AGBL1: variants seen among roughly 807,000 people sequenced by gnomAD.
AGBL1 encodes cytosolic carboxypeptidase 4.
AGBL1 carries 130 observed loss-of-function variants against 118.9 expected under a neutral mutation model. The ratio of observed to expected loss-of-function variants is 1.09; its 90% CI spans 0.95 to 1.26. The LOEUF (loss-of-function observed/expected upper bound fraction) is 1.26. Among genes scored for constraint, AGBL1 ranks in the 50% most tolerant of loss-of-function variants. The probability of loss-of-function intolerance (pLI) is 0.00; values close to 1 mark genes in which losing one functional copy is unlikely to be tolerated. For missense variants in AGBL1, 1,584 were observed against 1,298.1 expected, an observed-to-expected ratio of 1.22 and a Z score of -3.38; for synonymous variants, 555 against 478.9, an observed-to-expected ratio of 1.16 and a Z score of -2.08.
downstream of AGBL1, among the ~76,000 whole-genome samples, chr15:86,920,087 G>A (rs971038323): frequency 1.4e-4 from 21 of 152,196 alleles, no homozygotes; most frequent in African/African-American, 4.3e-4. Flanking sequence ...ACCTCCGTGG[G>A]TTCTCTGTTC....
At chr15:86,721,376 T>G (rs531044799) in intron 22 of AGBL1, among the ~76,000 whole-genome samples, 1 of 152,122 alleles carries the variant, frequency 6.6e-6, no homozygotes, top group Non-Finnish European at 1.5e-5. Flanking sequence ...ATCCAGCATA[T>G]AAACAGAACC....
chr15:86,836,573 A>C (rs978777081), intron 22 of AGBL1, among the ~76,000 whole-genome samples: 1 of 152,152 alleles, frequency 6.6e-6, no homozygotes, highest in South Asian at 2.1e-4. Context: ...GAGTCTAGTT[A>C]TATTATCTTC....
intron 17 of AGBL1, among the ~76,000 whole-genome samples, chr15:86,382,420 C>G (rs1318396507): frequency 6.6e-6 from 1 of 152,166 alleles, no homozygotes; most frequent in Non-Finnish European, 1.5e-5. Flanking sequence ...GACCTGCTCC[C>G]CACACACTCT....
chr15:86,554,352 T>C lies in AGBL1; in HGVS notation c.2818-9T>C, dbSNP rs772988314. 6.4e-7 allele frequency: 1 copy of C among 1,556,342 alleles called. No homozygotes were observed. Among genetic ancestry groups the C allele is most frequent in the South Asian group, 1.2e-5 (1 of 82,426 alleles). On this transcript the variant is annotated splice_polypyrimidine_tract_variant and intron_variant, in intron 20 of 22. Transcript: ENST00000614907. ...ACTAATCATCGTTTGATTTTTGTTT[T>C]TACTGTAGACTCTTCCCAAAATCCT...
At chr15:86,594,078 C>T (rs755027486) in intron 21 of AGBL1, among the ~76,000 whole-genome samples, 17 of 151,952 alleles carry the variant, frequency 1.1e-4, no homozygotes, top group Middle Eastern at 3.2e-3. Context: ...CACTCCATCA[C>T]ACATGTCTGG....
At chr15:86,131,558 A>G (rs1219382577) in intron 1 of AGBL1, among the ~76,000 whole-genome samples, 2 of 152,222 alleles carry the variant, frequency 1.3e-5, no homozygotes, top group Non-Finnish European at 1.5e-5. Context: ...TATCGTTATG[A>G]TAAGAATAAT....
intron 21 of AGBL1, among the ~76,000 whole-genome samples, chr15:86,641,643 G>A (rs2085193065): frequency 6.6e-6 from 1 of 151,864 alleles, no homozygotes; most frequent in Admixed American, 6.6e-5. Flanking sequence ...GTATATTTTT[G>A]TATCATTTCA....
intron 22 of AGBL1, among the ~76,000 whole-genome samples, chr15:86,860,739 T>TGC (rs1491060583): frequency 1.3e-5 from 2 of 148,360 alleles, no homozygotes; most frequent in East Asian, 3.9e-4. Context: ...TGTGTGTGTG[T>TGC]GCCTATGAAG....
At chr15:86,422,017 C>T (rs185826847) in intron 18 of AGBL1, among the ~76,000 whole-genome samples, 1 of 152,042 alleles carries the variant, frequency 6.6e-6, no homozygotes, top group East Asian at 1.9e-4. Context: ...CTTTAACACC[C>T]CACTGTCAAT....
downstream of AGBL1, chr15:86,916,164 T>C (rs1000437816): frequency 6.6e-6 from 1 of 152,224 alleles, no homozygotes. Flanking sequence ...TTAGATTGAC[T>C]CCAGCCTTGT....
intron 6 of AGBL1, among the ~76,000 whole-genome samples, chr15:86,239,005 T>C (rs1316879062): frequency 1.3e-5 from 2 of 151,902 alleles, no homozygotes; most frequent in African/African-American, 4.8e-5. Context: ...GTGCTGAGGG[T>C]GGGGGAAGAG....
intron 22 of AGBL1, among the ~76,000 whole-genome samples, chr15:86,789,953 A>G (rs1456296699): frequency 1.3e-5 from 2 of 152,184 alleles, no homozygotes; most frequent in African/African-American, 4.8e-5. Context: ...CGTCAGTAAC[A>G]TATACACTGT....
At chr15:86,490,833 T>C (rs559962491) in intron 18 of AGBL1, among the ~76,000 whole-genome samples, 178 of 630 alleles carry the variant, frequency 0.28, no homozygotes, top group Non-Finnish European at 0.35. Flanking sequence ...TCCAGCCACA[T>C]CTCCCACCAC....
intron 22 of AGBL1, among the ~76,000 whole-genome samples, chr15:86,817,571 G>GAC (rs1408387599): frequency 1.5e-5 from 1 of 66,574 alleles, no homozygotes; most frequent in Non-Finnish European, 3.2e-5. Context: ...GAGAGAAAGA[G>GAC]ACAGACACAC....
At chr15:86,657,198 T>C (rs766956099) in intron 21 of AGBL1, among the ~76,000 whole-genome samples, 7 of 152,170 alleles carry the variant, frequency 4.6e-5, no homozygotes, top group Non-Finnish European at 8.8e-5. Context: ...TCCAGAAATA[T>C]TTCATGAAGT....
At chr15:86,430,365 G>T (rs1187623587) in intron 18 of AGBL1, among the ~76,000 whole-genome samples, 1 of 151,850 alleles carries the variant, frequency 6.6e-6, no homozygotes, top group African/African-American at 2.4e-5. Flanking sequence ...CGCGGTGATA[G>T]GCACCTGTAG....
chr15:86,184,256 C>T (rs2077593127), intron 5 of AGBL1, among the ~76,000 whole-genome samples: 2 of 152,048 alleles, frequency 1.3e-5, no homozygotes, highest in Non-Finnish European at 2.9e-5. Context: ...GTCTTTTTCT[C>T]ATTAGGGTTG....
chr15:86,718,197 C>T (rs1240994400), intron 22 of AGBL1, among the ~76,000 whole-genome samples: 1 of 152,154 alleles, frequency 6.6e-6, no homozygotes, highest in Non-Finnish European at 1.5e-5. Context: ...GATCGCTGCC[C>T]AGCTAGAAAA....
At chr15:86,224,871 G>T (rs758995625) in intron 5 of AGBL1, 43 bp from the exon 6 acceptor site, 2 of 1,606,014 alleles carry the variant, frequency 1.2e-6, no homozygotes, top group Admixed American at 1.7e-5. Context: ...CTGAGAAAAA[G>T]ACCATTGAAT....
Sources: gnomAD v4.1 joint callset for allele counts (sites outside exome capture counted in the v4.1 genomes callset) on GRCh38, gnomAD v4.1.1 for gene constraint, MANE v1.5 for transcripts, NCBI Gene and HGNC (gene_info 2026-07-23, HGNC 2026-07-21) for gene names.